Variants in PEAK1 observed in about 807,000 individuals in gnomAD.
PEAK1 encodes the protein pseudopodium enriched atypical kinase 1.
PEAK1 carries 54 observed loss-of-function variants against 124.7 expected under a neutral mutation model. The ratio of observed to expected loss-of-function variants is 0.43; its 90% CI spans 0.35 to 0.54. PEAK1 has a LOEUF of 0.54. Among genes scored for constraint, PEAK1 ranks in the 20% least tolerant of loss-of-function variants. PEAK1 has a pLI of 0.01. For synonymous variants in PEAK1, 719 were observed against 760.0 expected, an observed-to-expected ratio of 0.95 and a Z score of 0.89; for missense variants, 2,046 against 2,134.5, an observed-to-expected ratio of 0.96 and a Z score of 0.82.
At chr15:77,132,265 T>C (rs534296567) in intron 9 of PEAK1, among the ~76,000 whole-genome samples, 6 of 151,976 alleles carry the variant, frequency 3.9e-5, no homozygotes, top group Admixed American at 6.5e-5. Flanking sequence ...TATTTTTTTT[T>C]TTAGAGACAG....
Position 77,158,240 on chromosome 15 carries a change from T to C in PEAK1, c.3331+263A>G, listed in dbSNP as rs117372808. On this transcript the variant is annotated intron_variant, in intron 8 of 9. Coordinates refer to ENST00000682557, the MANE Select transcript of PEAK1 (RefSeq NM_001385026.1). ...ATATTACACTGAAATAATTAACAAG[T>C]TCACCTCTTTCCCCCCAGGTGAGTC... The C allele has an allele frequency of 2.5e-3, 999 of 399,726 alleles. 5 individuals are homozygous for C. Among genetic ancestry groups the C allele is most frequent in the Non-Finnish European group, 3.5e-3 (768 of 219,324 alleles). 24.8% of individuals were successfully genotyped at this position (399,726 alleles called of 1,614,324 possible).
At chr15:77,373,015 T>C (rs2068754525) in intron 1 of PEAK1, among the ~76,000 whole-genome samples, 1 of 152,186 alleles carries the variant, frequency 6.6e-6, no homozygotes, top group Admixed American at 6.5e-5. Context: ...TCTTTATAAA[T>C]TACCCAGTCC....
chr15:77,251,187 T>C (rs370415498), intron 6 of PEAK1, among the ~76,000 whole-genome samples: 54 of 152,252 alleles, frequency 3.5e-4, no homozygotes, highest in South Asian at 1.2e-3. Context: ...AAGTAAAAAA[T>C]TGGAAATATT....
At chr15:77,340,354 A>G (rs1597360561) in intron 2 of PEAK1, among the ~76,000 whole-genome samples, 1 of 152,346 alleles carries the variant, frequency 6.6e-6, no homozygotes, top group East Asian at 1.9e-4. Context: ...TAAGTGAAAG[A>G]AGCCATCTGA....
At position 77,133,702 on chromosome 15, in the gene PEAK1, T is replaced by C. The variant is rs764595844; in HGVS notation, c.3380A>G (p.Lys1127Arg). The C allele has an allele frequency of 5.1e-5, 82 of 1,613,594 alleles. No homozygotes were observed. The highest frequency in any genetic ancestry group is 1.6e-4 in the Middle Eastern group (1 of 6,084). Residue 1127 changes from lysine to arginine, a missense_variant, in exon 9 of 10, where the codon AAG becomes AGG. Lys to Arg is a conservative substitution (Grantham distance 26). Coordinates refer to ENST00000682557, the MANE Select transcript of PEAK1 (RefSeq NM_001385026.1). This position sits in a 1 kb window ranked among gnomAD's most constrained non-coding sequence, Gnocchi z 4.2. Reference sequence around the variant, plus strand: ...GGCGATGGCATCGTCCACAGCTCCCTTGGGCTGTCGTGGCTGCTTGGGAGG... The same window carrying C: ...GGCGATGGCATCGTCCACAGCTCCCCTGGGCTGTCGTGGCTGCTTGGGAGG... ...MIPPKQPRQP[K>R]GAVDDAIAFG...
intron 8 of PEAK1, among the ~76,000 whole-genome samples, chr15:77,146,660 CA>C: frequency 6.6e-6 from 1 of 152,296 alleles, no homozygotes; most frequent in South Asian, 2.1e-4. Context: ...ACTGCTCAAA[CA>C]AATGTTCAAA....
At chr15:77,312,182 T>C (rs2064513081) in intron 2 of PEAK1, among the ~76,000 whole-genome samples, 1 of 152,182 alleles carries the variant, frequency 6.6e-6, no homozygotes. Flanking sequence ...ACTAGGTAAA[T>C]AGTGAAACTT....
intron 6 of PEAK1, among the ~76,000 whole-genome samples, chr15:77,245,934 T>G (rs1199706163): frequency 2.0e-5 from 3 of 152,190 alleles, no homozygotes; most frequent in Non-Finnish European, 2.9e-5. Flanking sequence ...AGAATTGTTT[T>G]TGGCTTTCTA....
At chr15:77,334,065 CT>C (rs1432094796) in intron 2 of PEAK1, 4 of 767,550 alleles carry the variant, frequency 5.2e-6, no homozygotes, top group Non-Finnish European at 6.3e-6. Flanking sequence ...ATTCAACTCT[CT>C]TTATGTTATC....
chr15:77,168,184 C>T (rs188856081), intron 7 of PEAK1, among the ~76,000 whole-genome samples: 7 of 151,920 alleles, frequency 4.6e-5, no homozygotes, highest in Admixed American at 4.6e-4. Flanking sequence ...CTAAGAAGTG[C>T]TGGGATTTTC....
intron 1 of PEAK1, chr15:77,403,433 T>C (rs982776469): frequency 5.4e-6 from 5 of 919,588 alleles, no homozygotes; most frequent in African/African-American, 3.6e-5. Context: ...ATCTTACATA[T>C]TGATTGTAAG....
intron 2 of PEAK1, chr15:77,346,374 C>T: frequency 1.0e-6 from 1 of 984,450 alleles, no homozygotes; most frequent in Non-Finnish European, 1.2e-6. Context: ...TTCTATAATC[C>T]CAGACAGAAA....
intron 6 of PEAK1, among the ~76,000 whole-genome samples, chr15:77,217,195 C>A (rs890657976): frequency 2.9e-5 from 4 of 139,914 alleles, no homozygotes; most frequent in African/African-American, 1.1e-4. Flanking sequence ...TGTACTCCAG[C>A]CTGGGTGACC....
At chr15:77,205,067 T>A (rs1238251597) in intron 6 of PEAK1, 1 of 215,824 alleles carries the variant, frequency 4.6e-6, no homozygotes, top group Non-Finnish European at 9.4e-6. Context: ...CAGCCTTTGA[T>A]GAAGCCAGAG....
intron 1 of PEAK1, among the ~76,000 whole-genome samples, chr15:77,397,590 T>C (rs1193521358): frequency 1.3e-5 from 2 of 151,274 alleles, no homozygotes; most frequent in African/African-American, 4.9e-5. Flanking sequence ...AAATAAAAGA[T>C]GAAAAAGAAG....
intron 1 of PEAK1, chr15:77,371,051 A>G (rs2068606713): frequency 2.2e-6 from 2 of 922,488 alleles, no homozygotes; most frequent in Non-Finnish European, 2.6e-6. Flanking sequence ...AAAAAGAAAG[A>G]AAGAAAGAAA....
intron 2 of PEAK1, among the ~76,000 whole-genome samples, chr15:77,341,492 T>G (rs941551538): frequency 6.0e-5 from 9 of 150,858 alleles, no homozygotes; most frequent in African/African-American, 2.0e-4. Flanking sequence ...AGAGTAAGAC[T>G]GCATCTCAAA....
intron 2 of PEAK1, chr15:77,348,809 G>A (rs2067027939): frequency 8.1e-6 from 6 of 744,452 alleles, no homozygotes; most frequent in Non-Finnish European, 8.2e-6. Context: ...GGGGGAGGGG[G>A]CGGGCAGGTG....
chr15:77,363,553 T>C (rs894827346), intron 2 of PEAK1, among the ~76,000 whole-genome samples: 5 of 152,174 alleles, frequency 3.3e-5, no homozygotes, highest in Admixed American at 2.6e-4. Context: ...TCCCTCAGCA[T>C]TGAGAAAATC....
Sources: gnomAD v4.1 joint callset for allele counts (sites outside exome capture counted in the v4.1 genomes callset) on GRCh38, gnomAD v4.1.1 for gene constraint, Gnocchi (gnomAD v3.1) non-coding constraint, MANE v1.5 for transcripts, NCBI Gene and HGNC (gene_info 2026-07-23, HGNC 2026-07-21) for gene names.